The following DLG2 variants were observed in gnomAD, a reference collection of about 807,000 sequenced individuals.
DLG2 encodes discs large MAGUK scaffold protein 2.
A neutral mutation model predicts 132.5 loss-of-function variants in DLG2; 45 were observed. The ratio of observed to expected loss-of-function variants is 0.34; its 90% CI spans 0.27 to 0.44. The LOEUF is 0.44. Ranked by LOEUF, DLG2 falls within the 20% of genes least tolerant of loss-of-function variation. DLG2 has a pLI of 1.00. For synonymous variants in DLG2, 424 were observed against 419.6 expected, an observed-to-expected ratio of 1.01 and a Z score of -0.13; for missense variants, 1,045 against 1,196.9, an observed-to-expected ratio of 0.87 and a Z score of 1.87.
intron 3 of DLG2, among the ~76,000 whole-genome samples, chr11:85,362,430 A>T (rs938445369): frequency 6.6e-5 from 10 of 152,140 alleles, no homozygotes; most frequent in Non-Finnish European, 1.0e-4. Flanking sequence ...CTACTGGTGT[A>T]TAGAATGCTA....
chr11:83,949,051 T>A (rs1591650300), intron 14 of DLG2, among the ~76,000 whole-genome samples: 1 of 152,320 alleles, frequency 6.6e-6, no homozygotes, highest in South Asian at 2.1e-4. Context: ...CAGTAATTAT[T>A]AACATTAATT....
intron 4 of DLG2, among the ~76,000 whole-genome samples, chr11:85,207,500 G>C (rs1355872969): frequency 6.6e-6 from 1 of 152,086 alleles, no homozygotes; most frequent in African/African-American, 2.4e-5. Context: ...CTTCTGGACT[G>C]ACCTTCCCAT....
chr11:84,101,042 T>C (rs2154181832), intron 9 of DLG2, among the ~76,000 whole-genome samples: 1 of 152,312 alleles, frequency 6.6e-6, no homozygotes, highest in South Asian at 2.1e-4. Context: ...GAGTTATTAC[T>C]TATTAGCACT....
intron 6 of DLG2, among the ~76,000 whole-genome samples, chr11:84,670,388 G>C (rs2099704433): frequency 6.6e-6 from 1 of 152,012 alleles, no homozygotes; most frequent in African/African-American, 2.4e-5. Flanking sequence ...ACATGATTTT[G>C]ATGTAAATCA....
At chr11:84,532,905 G>A (rs1044330998) in intron 7 of DLG2, among the ~76,000 whole-genome samples, 3 of 152,148 alleles carry the variant, frequency 2.0e-5, no homozygotes, top group African/African-American at 7.2e-5. Flanking sequence ...TCAATTTTCA[G>A]TGGTTTGTAA....
At chr11:84,268,410 C>A (rs139529474) in intron 7 of DLG2, among the ~76,000 whole-genome samples, 320 of 151,758 alleles carry the variant, frequency 2.1e-3, no homozygotes, top group African/African-American at 7.1e-3. Context: ...AGTTCAAGGA[C>A]CAGTCATTCC....
intron 15 of DLG2, among the ~76,000 whole-genome samples, chr11:83,927,415 T>C (rs2154127064): frequency 6.6e-6 from 1 of 152,300 alleles, no homozygotes. Context: ...TCTGAAGACG[T>C]GCAATTTAAG....
At chr11:85,110,948 A>G (rs1413205907) in intron 6 of DLG2, among the ~76,000 whole-genome samples, 1 of 152,118 alleles carries the variant, frequency 6.6e-6, no homozygotes, top group Non-Finnish European at 1.5e-5. Flanking sequence ...TAATTCCAAG[A>G]GACACCACTG....
chr11:85,559,824 A>AT (rs144266014), intron 3 of DLG2, among the ~76,000 whole-genome samples: 10,888 of 140,168 alleles, frequency 0.078, 780 homozygotes, highest in Non-Finnish European at 0.11. Context: ...TGATTGATAG[A>AT]TAGATAGATA....
At chr11:83,805,529 G>A (rs1170495875) in intron 17 of DLG2, among the ~76,000 whole-genome samples, 1 of 151,878 alleles carries the variant, frequency 6.6e-6, no homozygotes. Flanking sequence ...CCATGTGGTA[G>A]ACTTCTAATT....
At chr11:84,821,346 T>C (rs2077652372) in intron 6 of DLG2, among the ~76,000 whole-genome samples, 2 of 151,744 alleles carry the variant, frequency 1.3e-5, no homozygotes, top group South Asian at 4.1e-4. Flanking sequence ...TTAGGCTTTC[T>C]GGGCCCTATG....
chr11:84,262,555 G>A (rs1311126738), intron 7 of DLG2, among the ~76,000 whole-genome samples: 2 of 151,918 alleles, frequency 1.3e-5, no homozygotes, highest in Non-Finnish European at 2.9e-5. Context: ...TAAGTTATTG[G>A]GGTACAGGTG....
chr11:84,512,516 C>T (rs1287851722), intron 7 of DLG2, among the ~76,000 whole-genome samples: 1 of 152,130 alleles, frequency 6.6e-6, no homozygotes, highest in Non-Finnish European at 1.5e-5. Flanking sequence ...AGTTGTTTCT[C>T]AACCATCTTT....
intron 6 of DLG2, among the ~76,000 whole-genome samples, chr11:84,601,908 G>T (rs1377566374): frequency 6.6e-6 from 1 of 151,870 alleles, no homozygotes; most frequent in Non-Finnish European, 1.5e-5. Context: ...ACACTTGAGG[G>T]TTCATCTTTG....
At chr11:84,859,857 T>C (rs1326897290) in intron 6 of DLG2, among the ~76,000 whole-genome samples, 1 of 152,102 alleles carries the variant, frequency 6.6e-6, no homozygotes, top group Non-Finnish European at 1.5e-5. Flanking sequence ...ACTGTTTCAC[T>C]TTCCTCTTAG....
At position 84,022,623 on chromosome 11, in the gene DLG2, T is replaced by A. The variant is rs2095426864; in HGVS notation, c.919+36692A>T. Among the ~76,000 whole-genome samples, 2 of 152,228 alleles carry A rather than the reference T, an allele frequency of 1.3e-5. 1 individual carries two copies. Among genetic ancestry groups the A allele is most frequent in the African/African-American group, 4.8e-5 (2 of 41,462 alleles). ...GTGAGGCAGAAATCATTTTGCATTA[T>A]CTGACTTTTGAGCAAAAGCATATCT... On this transcript the variant is annotated intron_variant, in intron 11 of 27. Transcript: ENST00000376104.
At chr11:84,654,329 T>C (rs1231425825) in intron 6 of DLG2, among the ~76,000 whole-genome samples, 1 of 152,222 alleles carries the variant, frequency 6.6e-6, no homozygotes, top group Non-Finnish European at 1.5e-5. Context: ...ATGGATAACT[T>C]ACCTTTAAAT....
intron 6 of DLG2, among the ~76,000 whole-genome samples, chr11:84,940,038 G>A (rs2049198117): frequency 6.6e-6 from 1 of 152,136 alleles, no homozygotes; most frequent in Admixed American, 6.5e-5. Flanking sequence ...ATGTATTTCT[G>A]CCAACAGTAT....
intron 6 of DLG2, among the ~76,000 whole-genome samples, chr11:85,057,783 A>C (rs1274059026): frequency 6.6e-6 from 1 of 151,590 alleles, no homozygotes; most frequent in African/African-American, 2.4e-5. Flanking sequence ...GAATAACACC[A>C]CATAATTTAA....
Sources: allele counts gnomAD v4.1 joint callset (sites outside exome capture counted in the v4.1 genomes callset), GRCh38; gene constraint gnomAD v4.1.1; transcripts MANE v1.5; gene names NCBI Gene and HGNC (gene_info 2026-07-23, HGNC 2026-07-21).